MEIS1: variants seen among roughly 807,000 people sequenced by gnomAD.
MEIS1 encodes Meis homeobox 1.
In MEIS1, 5 loss-of-function variants were observed where a neutral mutation model predicts 50.8. The observed-to-expected ratio is 0.10, with a 90% confidence interval of 0.05 to 0.21. The LOEUF is 0.21. Ranked by LOEUF, MEIS1 falls within the 10% of genes least tolerant of loss-of-function variation. The pLI, the probability that MEIS1 is intolerant of heterozygous loss-of-function variation, is 1.00. For synonymous variants in MEIS1, 176 were observed against 179.3 expected (o/e 0.98, Z 0.15); for missense variants, 318 against 517.3 (o/e 0.61, Z 3.74).
chr2:66,505,073 T>C (rs1673655462), intron 7 of MEIS1, among the ~76,000 whole-genome samples: 1 of 152,216 alleles, frequency 6.6e-6, no homozygotes, highest in Non-Finnish European at 1.5e-5. Context: ...GTTGTATACT[T>C]CATATACATA....
chr2:66,440,488 G>A, intron 3 of MEIS1, 74 bp from the exon 4 acceptor site: 2 of 1,328,936 alleles, frequency 1.5e-6, no homozygotes, highest in East Asian at 4.8e-5. Flanking sequence ...AAACTAGGAA[G>A]GCGACCAGAT....
chr2:66,507,248 G>T (rs1050081122), intron 7 of MEIS1, among the ~76,000 whole-genome samples: 2 of 152,132 alleles, frequency 1.3e-5, no homozygotes, highest in Non-Finnish European at 2.9e-5. Context: ...CCTGATTTTT[G>T]AGTCTAGGTA....
intron 6 of MEIS1, among the ~76,000 whole-genome samples, chr2:66,449,981 G>A (rs1307189828): frequency 6.6e-6 from 1 of 152,156 alleles, no homozygotes; most frequent in African/African-American, 2.4e-5. Flanking sequence ...TTGGTGTCAT[G>A]AGTATATACA....
intron 9 of MEIS1, chr2:66,562,072 C>CTTTTTTTTTTTTTTTTTTTTTTTTTTTT (rs749406692): frequency 1.1e-3 from 68 of 62,076 alleles, no homozygotes; most frequent in South Asian, 2.9e-3. Flanking sequence ...TTTTTTTTTA[C>CTTTTTTTTTTTTTTTTTTTTTTTTTTTT]TTTTATCAGT....
intron 8 of MEIS1, among the ~76,000 whole-genome samples, chr2:66,522,091 G>A (rs946873308): frequency 1.3e-5 from 2 of 152,206 alleles, no homozygotes; most frequent in Non-Finnish European, 2.9e-5. Flanking sequence ...AATACTGTAC[G>A]AACTTGATTA....
At chr2:66,448,779 C>T (rs1476141514) in intron 6 of MEIS1, among the ~76,000 whole-genome samples, 1 of 151,972 alleles carries the variant, frequency 6.6e-6, no homozygotes, top group African/African-American at 2.4e-5. Context: ...TAGGGACTAG[C>T]AGGGAAATGA....
intron 8 of MEIS1, among the ~76,000 whole-genome samples, chr2:66,538,878 T>G (rs1674581295): frequency 6.8e-6 from 1 of 147,700 alleles, no homozygotes; most frequent in African/African-American, 2.7e-5. Flanking sequence ...CTTAAAAGAG[T>G]TTTTTTTTTT....
At chr2:66,495,336 G>A (rs1316910744) in intron 7 of MEIS1, among the ~76,000 whole-genome samples, 1 of 152,032 alleles carries the variant, frequency 6.6e-6, no homozygotes, top group Admixed American at 6.5e-5. Context: ...CGGACATCCA[G>A]CTTTGGGTCT....
intron 8 of MEIS1, among the ~76,000 whole-genome samples, chr2:66,533,857 C>T (rs1459995737): frequency 6.6e-6 from 1 of 151,972 alleles, no homozygotes; most frequent in African/African-American, 2.4e-5. Flanking sequence ...GCAAGTTTGT[C>T]CAAATAAAGA....
chr2:66,493,579 T>G (rs1673325896), intron 7 of MEIS1, among the ~76,000 whole-genome samples: 1 of 152,160 alleles, frequency 6.6e-6, no homozygotes, highest in African/African-American at 2.4e-5. Context: ...ATAATAAAAT[T>G]AGCTAAGAAG....
chr2:66,443,076 T>TG, intron 6 of MEIS1, 28 bp downstream of exon 6: 1 of 1,555,620 alleles, frequency 6.4e-7, no homozygotes, highest in South Asian at 1.3e-5. Flanking sequence ...TCAACATCCC[T>TG]GGGAAAAAAA....
At chr2:66,453,120 A>G (rs1672311645) in intron 6 of MEIS1, among the ~76,000 whole-genome samples, 1 of 151,882 alleles carries the variant, frequency 6.6e-6, no homozygotes, top group South Asian at 2.1e-4. Context: ...GCGACATTCT[A>G]AAGGTTTGCT....
At chr2:66,554,031 G>A (rs1674990621) in intron 9 of MEIS1, among the ~76,000 whole-genome samples, 1 of 152,308 alleles carries the variant, frequency 6.6e-6, no homozygotes, top group East Asian at 1.9e-4. Context: ...AGCATTCAAA[G>A]GCAGTTGCTG....
intron 6 of MEIS1, among the ~76,000 whole-genome samples, chr2:66,455,293 T>G (rs903503135): frequency 6.6e-6 from 1 of 152,218 alleles, no homozygotes; most frequent in Admixed American, 6.5e-5. Context: ...TTGGTTGTAA[T>G]TATTCCTTTT....
At chr2:66,466,381 C>T (rs1401174571) in intron 7 of MEIS1, among the ~76,000 whole-genome samples, 1 of 152,238 alleles carries the variant, frequency 6.6e-6, no homozygotes, top group African/African-American at 2.4e-5. Flanking sequence ...TTGGGAGCCC[C>T]ACCTTCAGTC....
In MEIS1 at chr2:66,443,187, T is replaced by C. The variant is rs976543537; in HGVS notation, c.630+139T>C. ...GATACATTTCCATCGAAATGAAAAT[T>C]TTTGAATAATGTGGCTATTATTGCT... On this transcript the variant is annotated intron_variant, in intron 6 of 12. Transcript: ENST00000272369. The C allele has an allele frequency of 1.2e-5, 12 of 1,028,008 alleles. No individual in the cohort carries two copies. The East Asian group carries it at 3.7e-4, about 32-fold the overall frequency. The allele number at this position is 1,028,008 out of a possible 1,614,324, so 63.7% of individuals were successfully genotyped here. A position where few individuals can be genotyped will look rare whatever the true frequency, so the allele number is the denominator to read the frequency against.
At chr2:66,477,993 A>G (rs1396450363) in intron 7 of MEIS1, among the ~76,000 whole-genome samples, 1 of 152,232 alleles carries the variant, frequency 6.6e-6, no homozygotes, top group Non-Finnish European at 1.5e-5. Flanking sequence ...ACACTGAAAC[A>G]GTATTTATTT....
At chr2:66,461,910 G>A (rs368776379) in intron 6 of MEIS1, 1 of 468,956 alleles carries the variant, frequency 2.1e-6, no homozygotes, top group Non-Finnish European at 4.4e-6. Flanking sequence ...CACAAACACT[G>A]GGCTCAGGGC....
intron 9 of MEIS1, among the ~76,000 whole-genome samples, chr2:66,551,355 G>C (rs924967724): frequency 1.3e-5 from 2 of 152,104 alleles, no homozygotes; most frequent in East Asian, 1.9e-4. Flanking sequence ...CAAAAGAGGA[G>C]AGAACTTAAA....
Sources: gnomAD v4.1 joint callset for allele counts (sites outside exome capture counted in the v4.1 genomes callset) on GRCh38, gnomAD v4.1.1 for gene constraint, MANE v1.5 for transcripts, NCBI Gene and HGNC (gene_info 2026-07-23, HGNC 2026-07-21) for gene names.